ZNF559: variants seen among roughly 807,000 people sequenced by gnomAD.
ZNF559 encodes the protein zinc finger protein 559.
ZNF559 carries 17 observed loss-of-function variants against 14.2 expected under a neutral mutation model. That is an observed-to-expected ratio of 1.20 (90% CI 0.82 to 1.80). The LOEUF (loss-of-function observed/expected upper bound fraction) is 1.80. ZNF559 is among the 40% of genes most tolerant of loss of function. ZNF559 has a pLI of 0.00. For synonymous variants in ZNF559, 244 were observed against 212.4 expected, an observed-to-expected ratio of 1.15 and a Z score of -1.29; for missense variants, 740 against 629.7, an observed-to-expected ratio of 1.18 and a Z score of -1.88.
chr19:9,325,017 TC>T (rs1490414250), intron 2 of ZNF559, among the ~76,000 whole-genome samples: 1 of 152,092 alleles, frequency 6.6e-6, no homozygotes, highest in Non-Finnish European at 1.5e-5. Context: ...CCCTGTAGAT[TC>T]CCCCAGAGGT....
Position 9,324,200 on chromosome 19 carries a change from T to G in ZNF559, c.-234T>G, listed in dbSNP as rs1165892942. 15 of 1,535,926 alleles carry G rather than the reference T, an allele frequency of 9.8e-6. No homozygotes were observed. The East Asian group carries it at 1.5e-4, about 15-fold the overall frequency. On this transcript the variant is annotated 5_prime_UTR_variant, in exon 1 of 7. Transcript: ENST00000603380. Reference sequence around the variant, plus strand: ...GCGCATGCGCATAACGGCCGCCATCTTAACAGCGCGTTCCCGTTGGCGTCT... The same window carrying G: ...GCGCATGCGCATAACGGCCGCCATCGTAACAGCGCGTTCCCGTTGGCGTCT...
intron 2 of ZNF559, among the ~76,000 whole-genome samples, chr19:9,333,908 T>A (rs2067080785): frequency 6.6e-6 from 1 of 152,200 alleles, no homozygotes; most frequent in Non-Finnish European, 1.5e-5. Context: ...GAAGTTTTTA[T>A]CCTCATCAAT....
chr19:9,324,498 A>G (rs1396640562), intron 1 of ZNF559, 197 bp from the exon 2 acceptor site: 30 of 1,372,456 alleles, frequency 2.2e-5, no homozygotes, highest in East Asian at 7.5e-5. Context: ...TCCCCTCTGC[A>G]GAAGCCTCAT....
At chr19:9,338,433 C>T in intron 3 of ZNF559, 61 bp from the exon 4 acceptor site, 1 of 1,297,242 alleles carries the variant, frequency 7.7e-7, no homozygotes. Flanking sequence ...TGGCTTCTTG[C>T]CTTGTGAGTA....
At position 9,342,631 on chromosome 19, in the gene ZNF559, TCTTC is replaced by T. The variant is rs1479867515; in HGVS notation, c.1184_1187del (p.Ser395LeufsTer11). 18 of 1,613,974 alleles carry T rather than the reference TCTTC, an allele frequency of 1.1e-5. No individual in the cohort carries two copies. Among genetic ancestry groups the T allele is most frequent in the East Asian group, 6.7e-5 (3 of 44,864 alleles). On this transcript the variant is annotated frameshift_variant, in exon 7 of 7. Transcript: ENST00000603380. LOFTEE classifies it low-confidence loss of function (END_TRUNC). The stretch of plus-strand genomic sequence containing the variant: ...ATGTGGAAAAGCCTTTATTAATTCC[TCTTC>T]CTTTAAAAGTCACATGCAGACTCAT...
chr19:9,340,545 C>CT (rs1166551204), intron 5 of ZNF559, among the ~76,000 whole-genome samples: 160 of 100,810 alleles, frequency 1.6e-3, no homozygotes, highest in Non-Finnish European at 2.5e-3. Context: ...AGAACCATTT[C>CT]TTTTTTTTCT....
Position 9,342,467 on chromosome 19 carries a change from G to T in ZNF559, c.1016G>T (p.Gly339Val). The T allele has an allele frequency of 6.2e-7, 1 of 1,613,818 alleles. No homozygotes were observed. Residue 339 changes from glycine (G) to valine (V), a missense_variant, in exon 7 of 7, where the codon GGT becomes GTT. Coordinates refer to ENST00000603380, the MANE Select transcript of ZNF559 (RefSeq NM_032497.3). ...KCGKAFTDSS[G>V]LIKHRRTHTG... is the part of the protein sequence containing the mutation. ...GGGAAAGCCTTCACTGATTCATCAG[G>T]TCTTATAAAACACAGGCGAACTCAC...
At chr19:9,339,884 T>C (rs1425367698) in intron 5 of ZNF559, among the ~76,000 whole-genome samples, 2 of 148,638 alleles carry the variant, frequency 1.3e-5, no homozygotes, top group African/African-American at 4.9e-5. Flanking sequence ...GTCTCCTGCC[T>C]CAGCCTCCCG....
At chr19:9,335,938 A>G (rs2067213500) in intron 2 of ZNF559, among the ~76,000 whole-genome samples, 1 of 152,244 alleles carries the variant, frequency 6.6e-6, no homozygotes, top group African/African-American at 2.4e-5. Flanking sequence ...CTCCAAAACC[A>G]GAAGGGTTCA....
Position 9,341,856 on chromosome 19 carries a change from T to G in ZNF559, c.405T>G (p.Thr135=). ...EKAFRKPSIF[T]LHKKTDIGEE... ...CCTTCAGAAAACCCTCTATCTTTAC[T>G]TTACACAAGAAAACTGATATCGGAG... Residue 135 remains threonine, a synonymous_variant, in exon 7 of 7, where the codon ACT becomes ACG. Coordinates refer to ENST00000603380, the MANE Select transcript of ZNF559 (RefSeq NM_032497.3). The G allele has an allele frequency of 6.2e-7, 1 of 1,610,152 alleles. No homozygotes were observed. Among genetic ancestry groups the G allele is most frequent in the Non-Finnish European group, 8.5e-7 (1 of 1,179,054 alleles).
chr19:9,337,847 G>A lies in ZNF559; in HGVS notation c.-68G>A. On this transcript the variant is annotated 5_prime_UTR_variant, in exon 3 of 7. The change abolishes the stop of an existing upstream ORF in the 5' untranslated region. Transcript: ENST00000603380. The stretch of plus-strand genomic sequence containing the variant: ...TGACAGATGAGTAATGCCTGTTGCT[G>A]AAAGATTGACGGTATGAGGCAAGAC... The A allele has an allele frequency of 6.7e-7, 1 of 1,492,356 alleles. No homozygotes were observed. Among genetic ancestry groups the A allele is most frequent in the Non-Finnish European group, 8.9e-7 (1 of 1,124,132 alleles). The allele number at this position is 1,492,356 out of a possible 1,614,324, so 92.4% of individuals were successfully genotyped here. A position where few individuals can be genotyped will look rare whatever the true frequency, so the allele number is the denominator to read the frequency against.
At position 9,342,577 on chromosome 19, in the gene ZNF559, A is replaced by G. The variant is rs760717381; in HGVS notation, c.1126A>G (p.Thr376Ala). ...SHLTVHMRTH[T>A]GEKPYQCKEC... is the part of the protein sequence containing the mutation. ...TCTTACTGTACATATGAGAACTCAC[A>G]CTGGTGAGAAGCCTTATCAATGTAA... The change falls in exon 7 of 7, where the codon ACT (threonine) becomes GCT (alanine). Residue 376 changes from threonine to alanine, a missense_variant. Thr to Ala is a moderately conservative substitution (Grantham distance 58, BLOSUM62 0). Transcript: ENST00000603380. The G allele has an allele frequency of 5.6e-6, 9 of 1,614,008 alleles. No individual in the cohort carries two copies. Among genetic ancestry groups the G allele is most frequent in the Non-Finnish European group, 7.6e-6 (9 of 1,180,008 alleles).
intron 2 of ZNF559, among the ~76,000 whole-genome samples, chr19:9,335,080 G>A (rs1371157061): frequency 6.6e-6 from 1 of 151,320 alleles, no homozygotes; most frequent in African/African-American, 2.4e-5. Flanking sequence ...AGCTTGCAGT[G>A]AGCCGAGATC....
rs561042610 is a variant in ZNF559, at chr19:9,338,018, G to A, written c.-57+160G>A. 3.0e-4 allele frequency: 467 copies of A among 1,535,882 alleles called. 3 individuals are homozygous for A. The South Asian group carries it at 3.9e-3, about 13-fold the overall frequency. On this transcript the variant is annotated intron_variant, in intron 3 of 6. Coordinates refer to ENST00000603380, the MANE Select transcript of ZNF559 (RefSeq NM_032497.3). ...CTGGCCATTGGTCTTTCCCTTTGTG[G>A]TAAGTCCGTATTGATGGTCCTTCAA...
In ZNF559 at chr19:9,324,702, A is replaced by T; in HGVS notation, c.-198A>T. 6 of 1,533,352 alleles carry T rather than the reference A, an allele frequency of 3.9e-6. No homozygotes were observed. The highest frequency in any genetic ancestry group is 5.2e-6 in the Non-Finnish European group (6 of 1,146,198). 95.0% of individuals were successfully genotyped at this position (1,533,352 alleles called of 1,614,324 possible). On this transcript the variant is annotated 5_prime_UTR_variant, in exon 2 of 7. Transcript: ENST00000603380. ...GTGCCTTTTCTCTATAAGGAACAGC[A>T]TCTCTGCCTTCCTGTTCACGGTGAC...
chr19:9,328,934 A>C (rs2066788667), intron 2 of ZNF559, among the ~76,000 whole-genome samples: 2 of 152,200 alleles, frequency 1.3e-5, no homozygotes, highest in Admixed American at 1.3e-4. Flanking sequence ...GATATTTCTT[A>C]CTGATAGAAT....
At chr19:9,341,352 TC>T (rs1245953688) in intron 6 of ZNF559, 168 bp downstream of exon 6, 3 of 158,658 alleles carry the variant, frequency 1.9e-5, no homozygotes, top group Non-Finnish European at 1.3e-5. Context: ...TGACAAACAC[TC>T]TAAACATCCC....
In ZNF559 at chr19:9,338,013, T is replaced by C; in HGVS notation, c.-57+155T>C. 3 of 1,535,874 alleles carry C rather than the reference T, an allele frequency of 2.0e-6. No homozygotes were observed. The South Asian group carries it at 3.6e-5, about 18-fold the overall frequency. ...GGATGCTGGCCATTGGTCTTTCCCT[T>C]TGTGGTAAGTCCGTATTGATGGTCC... On this transcript the variant is annotated intron_variant, in intron 3 of 6. Coordinates refer to ENST00000603380, the MANE Select transcript of ZNF559 (RefSeq NM_032497.3).
At chr19:9,337,522 G>C (rs1267076256) in intron 2 of ZNF559, among the ~76,000 whole-genome samples, 2 of 152,172 alleles carry the variant, frequency 1.3e-5, no homozygotes, top group Non-Finnish European at 2.9e-5. Context: ...TGGAGAATAA[G>C]AAGAACCTCA....
Sources: gnomAD v4.1 joint callset for allele counts (sites outside exome capture counted in the v4.1 genomes callset) on GRCh38, gnomAD v4.1.1 for gene constraint, MANE v1.5 for transcripts, NCBI Gene and HGNC (gene_info 2026-07-23, HGNC 2026-07-21) for gene names.